Variants in CNTN6 observed in about 807,000 individuals in gnomAD.
The protein encoded by CNTN6 is contactin-6.
A neutral mutation model predicts 122.8 loss-of-function variants in CNTN6; 137 were observed. The ratio of observed to expected loss-of-function variants is 1.12; its 90% CI spans 0.97 to 1.29. CNTN6 has a LOEUF of 1.29. CNTN6 is among the 50% of genes most tolerant of loss of function. The pLI is 0.00. For synonymous variants in CNTN6, 570 were observed against 426.0 expected (o/e 1.34, Z -4.16); for missense variants, 1,634 against 1,223.4 (o/e 1.34, Z -5.01).
chr3:1,329,103 G>A (rs968877594), intron 10 of CNTN6, among the ~76,000 whole-genome samples: 6 of 150,502 alleles, frequency 4.0e-5, no homozygotes, highest in African/African-American at 7.3e-5. Context: ...GTGTATATAC[G>A]TATATATGTA....
intron 2 of CNTN6, among the ~76,000 whole-genome samples, chr3:1,176,188 C>T (rs116721054): frequency 0.013 from 1,983 of 152,166 alleles, 48 homozygotes; most frequent in African/African-American, 0.045. Flanking sequence ...GAGGCCGGGG[C>T]GGGCGGATCA....
chr3:1,163,400 T>C (rs1025827798), intron 2 of CNTN6, among the ~76,000 whole-genome samples: 2 of 152,212 alleles, frequency 1.3e-5, no homozygotes, highest in South Asian at 2.1e-4. Context: ...AAGGTTGTGC[T>C]ATGCCCTCAT....
intron 17 of CNTN6, among the ~76,000 whole-genome samples, chr3:1,381,655 C>T (rs1691911774): frequency 6.6e-6 from 1 of 152,164 alleles, no homozygotes; most frequent in African/African-American, 2.4e-5. Flanking sequence ...CTCCCATTTC[C>T]TTTACTTCCA....
chr3:1,387,674 C>A (rs914008843), intron 20 of CNTN6, among the ~76,000 whole-genome samples: 4 of 152,150 alleles, frequency 2.6e-5, no homozygotes. Flanking sequence ...CTAGGGGGTG[C>A]CAGACAGTGG....
intron 12 of CNTN6, among the ~76,000 whole-genome samples, chr3:1,359,458 G>A (rs1272007760): frequency 6.6e-6 from 1 of 151,960 alleles, no homozygotes; most frequent in Non-Finnish European, 1.5e-5. Flanking sequence ...TTAATCTGGG[G>A]TTCTCAGTAG....
chr3:1,202,518 G>A (rs942622844), intron 2 of CNTN6, among the ~76,000 whole-genome samples: 3 of 151,338 alleles, frequency 2.0e-5, no homozygotes, highest in Admixed American at 6.6e-5. Flanking sequence ...TCCAGCCTGG[G>A]CGACAGAGCC....
intron 2 of CNTN6, among the ~76,000 whole-genome samples, chr3:1,202,400 C>T (rs890821645): frequency 1.3e-5 from 2 of 149,322 alleles, no homozygotes; most frequent in South Asian, 2.1e-4. Context: ...ATCAGCCGGG[C>T]GTGGTGGCGG....
At chr3:1,293,310 A>G (rs1018067330) in intron 5 of CNTN6, among the ~76,000 whole-genome samples, 4 of 148,344 alleles carry the variant, frequency 2.7e-5, no homozygotes, top group African/African-American at 1.0e-4. Flanking sequence ...AGTATGGTTC[A>G]TGCTTCATGC....
At chr3:1,369,141 T>C (rs915427088) in intron 12 of CNTN6, among the ~76,000 whole-genome samples, 1 of 152,216 alleles carries the variant, frequency 6.6e-6, no homozygotes, top group African/African-American at 2.4e-5. Context: ...TTCCTCTCTC[T>C]ACCTGCTACC....
intron 2 of CNTN6, among the ~76,000 whole-genome samples, chr3:1,212,256 T>G (rs1003312913): frequency 5.4e-5 from 8 of 149,454 alleles, no homozygotes; most frequent in South Asian, 4.2e-4. Context: ...AAACTTGTTT[T>G]TTTTTTTTTT....
Position 1,220,671 on chromosome 3 carries a change from TC to T in CNTN6, c.56-15del. The T allele has an allele frequency of 6.3e-7, 1 of 1,595,704 alleles. No individual in the cohort carries two copies. The highest frequency in any genetic ancestry group is 8.5e-7 in the Non-Finnish European group (1 of 1,173,392). On this transcript the variant is annotated splice_polypyrimidine_tract_variant and intron_variant, in intron 2 of 22. Coordinates refer to ENST00000446702, the MANE Select transcript of CNTN6 (RefSeq NM_001289080.2). ...GCCACTTTTTTTTCATGTGATTTAT[TC>T]TTTTCTTTTCCCAGGTGATGGTCTT...
At chr3:1,117,152 T>C (rs1397391736) in intron 1 of CNTN6, among the ~76,000 whole-genome samples, 2 of 152,156 alleles carry the variant, frequency 1.3e-5, no homozygotes, top group African/African-American at 4.8e-5. Context: ...TATATTGCCT[T>C]TGTTGTTCTC....
chr3:1,231,086 C>T (rs2094347064), intron 4 of CNTN6, among the ~76,000 whole-genome samples: 1 of 152,206 alleles, frequency 6.6e-6, no homozygotes, highest in East Asian at 1.9e-4. Context: ...TCTTCACTTG[C>T]TGTTTCCTTC....
intron 4 of CNTN6, among the ~76,000 whole-genome samples, chr3:1,272,921 T>C (rs1000525276): frequency 2.0e-5 from 3 of 152,194 alleles, no homozygotes; most frequent in African/African-American, 7.2e-5. Flanking sequence ...TTTAAGTACA[T>C]TTTGGTGGCC....
intron 4 of CNTN6, among the ~76,000 whole-genome samples, chr3:1,236,871 G>A (rs951680098): frequency 7.9e-5 from 12 of 152,066 alleles, no homozygotes; most frequent in Non-Finnish European, 1.6e-4. Flanking sequence ...ACAAGGTCAG[G>A]AGATCAAGAC....
At chr3:1,328,203 T>C (rs1701804360) in intron 10 of CNTN6, among the ~76,000 whole-genome samples, 1 of 151,822 alleles carries the variant, frequency 6.6e-6, no homozygotes, top group Non-Finnish European at 1.5e-5. Context: ...TAGAGTTCTG[T>C]CACATGACCA....
intron 2 of CNTN6, 37 bp downstream of exon 2, chr3:1,148,100 A>G: frequency 4.7e-6 from 7 of 1,498,082 alleles, no homozygotes; most frequent in Non-Finnish European, 6.5e-6. Context: ...TGATTGATAA[A>G]TATATTGGCA....
rs546246298 is a variant in CNTN6, at chr3:1,389,400, C to T, written c.2704+3603C>T. Among the ~76,000 whole-genome samples the T allele has an allele frequency of 2.0e-3, 307 of 152,126 alleles. 1 individual carries two copies. Among genetic ancestry groups the T allele is most frequent in the African/African-American group, 7.2e-3 (300 of 41,536 alleles). ...CACCACCAGGCCTGCCCTAAAAGTG[C>T]TCCTGAAGGAAGCACTAAACATGGA... On this transcript the variant is annotated intron_variant, in intron 20 of 22. Coordinates refer to ENST00000446702, the MANE Select transcript of CNTN6 (RefSeq NM_001289080.2).
intron 5 of CNTN6, among the ~76,000 whole-genome samples, chr3:1,293,845 G>T (rs147954928): frequency 3.9e-5 from 6 of 152,000 alleles, no homozygotes; most frequent in Non-Finnish European, 7.4e-5. Context: ...CCTAGTTTCC[G>T]CAGTACACCT....
Sources: gnomAD v4.1 joint callset for allele counts (sites outside exome capture counted in the v4.1 genomes callset) on GRCh38, gnomAD v4.1.1 for gene constraint, MANE v1.5 for transcripts, NCBI Gene and HGNC (gene_info 2026-07-23, HGNC 2026-07-21) for gene names.